Variants in RPS6KA3 observed in about 807,000 individuals in gnomAD.
The protein encoded by RPS6KA3 is ribosomal protein S6 kinase alpha-3.
RPS6KA3 carries 4 observed loss-of-function variants against 67.2 expected under a neutral mutation model. The observed-to-expected ratio is 0.06, with a 90% confidence interval of 0.03 to 0.14. The LOEUF is 0.14. Among genes scored for constraint, RPS6KA3 ranks in the 10% least tolerant of loss-of-function variants. RPS6KA3 has a pLI of 1.00. For missense variants in RPS6KA3, 204 were observed against 559.0 expected, an observed-to-expected ratio of 0.36 and a Z score of 6.40; for synonymous variants, 182 against 183.7, an observed-to-expected ratio of 0.99 and a Z score of 0.07.
At chrX:20,193,069 G>C (rs1007157244) in intron 7 of RPS6KA3, among the ~76,000 whole-genome samples, 1 of 111,574 alleles carries the variant, frequency 9.0e-6, no homozygotes, top group Non-Finnish European at 1.9e-5. Flanking sequence ...CCTGAGGTCA[G>C]GAGTTCGAGA....
intron 3 of RPS6KA3, 50 bp downstream of exon 3, chrX:20,209,238 C>G (rs1430619021): frequency 3.0e-6 from 2 of 664,267 alleles, no homozygotes; most frequent in East Asian, 6.4e-5. Flanking sequence ...ATATGAAATA[C>G]ATATGAATTG....
chrX:20,185,071 G>A (rs904670790), intron 10 of RPS6KA3, among the ~76,000 whole-genome samples: 18 of 110,804 alleles, frequency 1.6e-4, no homozygotes, highest in African/African-American at 5.9e-4. Context: ...TCAGCCTACC[G>A]AGTAGTTGGG....
chrX:20,190,271 T>A (rs988734615), intron 7 of RPS6KA3, among the ~76,000 whole-genome samples: 3 of 111,703 alleles, frequency 2.7e-5, no homozygotes, highest in Admixed American at 9.6e-5. Flanking sequence ...TACAACAGAG[T>A]TCTAGTTTAA....
chrX:20,259,052 T>A (rs1244191370), intron 1 of RPS6KA3, among the ~76,000 whole-genome samples: 1 of 112,063 alleles, frequency 8.9e-6, no homozygotes, highest in African/African-American at 3.2e-5. Context: ...AATCACTATT[T>A]ATTATTTGGT....
intron 14 of RPS6KA3, 81 bp downstream of exon 14, chrX:20,175,083 G>A: frequency 1.1e-6 from 1 of 947,319 alleles, no homozygotes; most frequent in Non-Finnish European, 1.5e-6. Flanking sequence ...CTCACTTGAA[G>A]TCAGTAGAAA....
chrX:20,249,279 GCA>G (rs2069794000), intron 1 of RPS6KA3, among the ~76,000 whole-genome samples: 1 of 112,126 alleles, frequency 8.9e-6, no homozygotes, highest in African/African-American at 3.2e-5. Context: ...GAACATCTGT[GCA>G]CAGACTTTTA....
intron 9 of RPS6KA3, among the ~76,000 whole-genome samples, chrX:20,187,200 AG>A (rs2068007746): frequency 9.1e-6 from 1 of 110,340 alleles, no homozygotes; most frequent in African/African-American, 3.3e-5. Context: ...TACAGGCGTG[AG>A]CCACCGCGCC....
chrX:20,244,154 G>T (rs1436146540), intron 1 of RPS6KA3, among the ~76,000 whole-genome samples: 5 of 111,790 alleles, frequency 4.5e-5, no homozygotes, highest in Non-Finnish European at 9.4e-5. Context: ...AATATGGGTT[G>T]TTTTCAACTT....
At chrX:20,173,990 G>A (rs2067636144) in intron 14 of RPS6KA3, among the ~76,000 whole-genome samples, 1 of 112,248 alleles carries the variant, frequency 8.9e-6, no homozygotes, top group Non-Finnish European at 1.9e-5. Flanking sequence ...ACAAACTATG[G>A]CCAGTGAGCC....
At chrX:20,161,959 T>C (rs910379343) in intron 19 of RPS6KA3, among the ~76,000 whole-genome samples, 198 bp from the exon 20 acceptor site, 1 of 109,087 alleles carries the variant, frequency 9.2e-6, no homozygotes, top group Non-Finnish European at 1.9e-5. Context: ...TACAAATTAT[T>C]GTATATTTAC....
intron 10 of RPS6KA3, among the ~76,000 whole-genome samples, chrX:20,185,607 C>T (rs1384471456): frequency 9.0e-6 from 1 of 111,442 alleles, no homozygotes; most frequent in Non-Finnish European, 1.9e-5. Context: ...AGGCTGATGA[C>T]TGGATCTTCT....
chrX:20,197,645 AG>A (rs764912639), intron 4 of RPS6KA3, among the ~76,000 whole-genome samples: 2 of 112,154 alleles, frequency 1.8e-5, no homozygotes, highest in East Asian at 5.6e-4. Flanking sequence ...ATGAGCAGTG[AG>A]AGTCCTTCTC....
At chrX:20,169,524 C>G (rs1603420708) in intron 15 of RPS6KA3, 33 bp from the exon 16 acceptor site, 2 of 835,283 alleles carry the variant, frequency 2.4e-6, no homozygotes, top group East Asian at 6.2e-5. Flanking sequence ...AAAACCTCAT[C>G]AACTATACAG....
intron 2 of RPS6KA3, among the ~76,000 whole-genome samples, chrX:20,234,343 T>C (rs999980626): frequency 1.8e-5 from 2 of 110,830 alleles, no homozygotes; most frequent in African/African-American, 6.6e-5. Flanking sequence ...GGTGTGGTGG[T>C]GAGCGCCTGT....
At chrX:20,221,076 A>G (rs761410889) in intron 2 of RPS6KA3, among the ~76,000 whole-genome samples, 1 of 112,438 alleles carries the variant, frequency 8.9e-6, no homozygotes, top group African/African-American at 3.2e-5. Context: ...TCTCCTAACC[A>G]GAATGTGAGC....
intron 2 of RPS6KA3, among the ~76,000 whole-genome samples, chrX:20,213,901 T>C (rs1231094053): frequency 9.1e-6 from 1 of 109,557 alleles, no homozygotes; most frequent in Non-Finnish European, 1.9e-5. Context: ...TTTCCTTTTA[T>C]ATGGGCCCAT....
intron 20 of RPS6KA3, among the ~76,000 whole-genome samples, chrX:20,160,790 C>A (rs916283277): frequency 8.9e-6 from 1 of 112,014 alleles, no homozygotes; most frequent in Admixed American, 9.5e-5. Context: ...TTAAATTGGT[C>A]AACTGAGGCT....
chrX:20,206,614 T>A (rs778183426), intron 3 of RPS6KA3, among the ~76,000 whole-genome samples: 1 of 112,241 alleles, frequency 8.9e-6, no homozygotes, highest in East Asian at 2.8e-4. Flanking sequence ...GAACATTTAG[T>A]CTAGTGGGGG....
At chrX:20,173,876 G>A (rs2067633038) in intron 14 of RPS6KA3, among the ~76,000 whole-genome samples, 1 of 112,488 alleles carries the variant, frequency 8.9e-6, no homozygotes, top group African/African-American at 3.2e-5. Context: ...ATCCTAAAAA[G>A]AATCCAATGC....
Sources: gnomAD v4.1 joint callset for allele counts (sites outside exome capture counted in the v4.1 genomes callset) on GRCh38, gnomAD v4.1.1 for gene constraint, MANE v1.5 for transcripts, NCBI Gene and HGNC (gene_info 2026-07-23, HGNC 2026-07-21) for gene names.